Variants in RTN4RL1 observed in about 807,000 individuals in gnomAD.
RTN4RL1 encodes reticulon-4 receptor-like 1.
Under a neutral mutation model 25.6 loss-of-function variants are expected in RTN4RL1, and 7 were observed. The observed-to-expected ratio is 0.27, with a 90% confidence interval of 0.16 to 0.51. The LOEUF (loss-of-function observed/expected upper bound fraction) is 0.51. RTN4RL1 is among the 20% of genes least tolerant of loss of function. RTN4RL1 has a pLI of 0.97. For synonymous variants in RTN4RL1, 297 were observed against 288.2 expected (o/e 1.03, Z -0.31); for missense variants, 500 against 615.6 (o/e 0.81, Z 1.99).
chr17:2,002,004 A>ATTT (rs11457997), intron 1 of RTN4RL1, among the ~76,000 whole-genome samples: 18 of 145,826 alleles, frequency 1.2e-4, no homozygotes, highest in African/African-American at 4.5e-4. Context: ...TGCTTAAAGG[A>ATTT]TTTTTTTTTT....
At chr17:2,007,449 C>T (rs1029100679) in intron 1 of RTN4RL1, among the ~76,000 whole-genome samples, 3 of 152,002 alleles carry the variant, frequency 2.0e-5, no homozygotes, top group African/African-American at 4.8e-5. Context: ...CAATGGATGT[C>T]GCCGACCTCT....
intron 1 of RTN4RL1, among the ~76,000 whole-genome samples, chr17:2,016,196 C>G (rs1342168798): frequency 2.6e-5 from 4 of 152,174 alleles, no homozygotes; most frequent in Non-Finnish European, 5.9e-5. Context: ...GCCTGGCCAA[C>G]ATAGTGAAAC....
At chr17:1,963,552 C>G (rs1254318672) in intron 1 of RTN4RL1, among the ~76,000 whole-genome samples, 1 of 152,220 alleles carries the variant, frequency 6.6e-6, no homozygotes, top group African/African-American at 2.4e-5. Context: ...TGTCCACCCG[C>G]CTTTGCCACT....
Position 1,937,230 on chromosome 17 carries a change from T to A in RTN4RL1, c.592A>T (p.Asn198Tyr), listed in dbSNP as rs571713611. 1 of 1,612,298 alleles carries A rather than the reference T, an allele frequency of 6.2e-7. No homozygotes were observed. The highest frequency in any genetic ancestry group is 1.3e-5 in the African/African-American group (1 of 75,040). Reference sequence around the variant, plus strand: ...TCGTGCAGCAAAAGACGGTCCAGGTTCACCAGGCCCCGGAAGGTGCCCGGG... The same window carrying A: ...TCGTGCAGCAAAAGACGGTCCAGGTACACCAGGCCCCGGAAGGTGCCCGGG... Reference protein sequence around the residue: ...LGPGTFRGLVNLDRLLLHENQ... With the variant: ...LGPGTFRGLVYLDRLLLHENQ... The change falls in exon 2 of 2, where the codon AAC becomes TAC. Residue 198 changes from asparagine (N) to tyrosine (Y), a missense_variant. By Grantham distance (143) the Asn-to-Tyr change is moderately radical. This residue lies in a region of RTN4RL1 where 232 missense variants were observed against 341.1 expected (regional missense o/e 0.68). Transcript: ENST00000331238.
At chr17:1,973,585 C>T (rs1199496673) in intron 1 of RTN4RL1, among the ~76,000 whole-genome samples, 1 of 151,908 alleles carries the variant, frequency 6.6e-6, no homozygotes, top group Non-Finnish European at 1.5e-5. Context: ...GTCCTCCACC[C>T]AAACTAGGTC....
At chr17:1,958,241 G>A (rs1915828661) in intron 1 of RTN4RL1, among the ~76,000 whole-genome samples, 1 of 152,132 alleles carries the variant, frequency 6.6e-6, no homozygotes. Context: ...CCAAAATGGT[G>A]GAGTCAAGAT....
rs2067079166 is a variant in RTN4RL1, at chr17:2,013,600, C to A, written c.13+11253G>T. ...AACATAAATACCCCAGCTCCCTCAC[C>A]CTGGAACATAAATACCCCAGCTCCC... On this transcript the variant is annotated intron_variant, in intron 1 of 1. Coordinates refer to ENST00000331238, the MANE Select transcript of RTN4RL1 (RefSeq NM_178568.4). Among the ~76,000 whole-genome samples the A allele has an allele frequency of 2.0e-5, 3 of 148,918 alleles. No individual in the cohort carries two copies. In the South Asian group the frequency reaches 6.6e-4, roughly 33 times the overall value.
At chr17:1,968,728 G>A (rs2066804468) in intron 1 of RTN4RL1, among the ~76,000 whole-genome samples, 1 of 152,092 alleles carries the variant, frequency 6.6e-6, no homozygotes, top group Non-Finnish European at 1.5e-5. Context: ...CCTCTCCCTG[G>A]GATGCCCCTC....
chr17:1,941,667 G>A (rs551662861), intron 1 of RTN4RL1, among the ~76,000 whole-genome samples: 1 of 152,136 alleles, frequency 6.6e-6, no homozygotes, highest in Admixed American at 6.5e-5. Flanking sequence ...AGATGCAGGG[G>A]ACCCACCCCA....
intron 1 of RTN4RL1, among the ~76,000 whole-genome samples, chr17:1,948,687 C>T (rs899898306): frequency 2.2e-4 from 31 of 141,518 alleles, no homozygotes; most frequent in African/African-American, 5.8e-4. Context: ...GGGTTACCTC[C>T]GTGGCGACGA....
intron 1 of RTN4RL1, among the ~76,000 whole-genome samples, chr17:2,013,630 C>CCTTGGGGTTTGATAG (rs1297745026): frequency 1.5e-5 from 2 of 136,166 alleles, no homozygotes; most frequent in African/African-American, 5.6e-5. Flanking sequence ...GCTCCCTCAC[C>CCTTGGGGTTTGATAG]CTGGAACATA....
chr17:1,982,749 C>T (rs2066873101), intron 1 of RTN4RL1, among the ~76,000 whole-genome samples: 1 of 152,246 alleles, frequency 6.6e-6, no homozygotes, highest in Non-Finnish European at 1.5e-5. Context: ...TCCCCGACAG[C>T]TCCAGGTTGC....
At chr17:1,941,348 G>A (rs536438535) in intron 1 of RTN4RL1, among the ~76,000 whole-genome samples, 10 of 152,312 alleles carry the variant, frequency 6.6e-5, no homozygotes, top group East Asian at 1.9e-4. Flanking sequence ...TACGTGGCTC[G>A]TGGGTGTGCC....
chr17:1,995,985 G>A (rs1364731157), intron 1 of RTN4RL1, among the ~76,000 whole-genome samples: 3 of 152,222 alleles, frequency 2.0e-5, no homozygotes, highest in African/African-American at 7.2e-5. Context: ...GATAACACTG[G>A]TGTAGGTTCC....
In RTN4RL1 at chr17:1,999,094, TCACACA is replaced by T. The variant is rs59609042; in HGVS notation, c.13+25753_13+25758del. On this transcript the variant is annotated intron_variant, in intron 1 of 1. Coordinates refer to ENST00000331238, the MANE Select transcript of RTN4RL1 (RefSeq NM_178568.4). ...CAGTCTACACCAGACACATGCGCGA[TCACACA>T]CACACACACACACACACGCTGCACT... Among the ~76,000 whole-genome samples the T allele has an allele frequency of 1.9e-4, 28 of 147,372 alleles. 1 individual carries two copies. The East Asian group carries it at 2.9e-3, about 15-fold the overall frequency.
chr17:2,014,785 T>C (rs552220009), intron 1 of RTN4RL1, among the ~76,000 whole-genome samples: 1 of 151,382 alleles, frequency 6.6e-6, no homozygotes, highest in African/African-American at 2.4e-5. Flanking sequence ...TGAGCTGAGA[T>C]TGCGCCACTG....
chr17:2,005,374 C>T (rs749811234), intron 1 of RTN4RL1, among the ~76,000 whole-genome samples: 1 of 152,142 alleles, frequency 6.6e-6, no homozygotes, highest in South Asian at 2.1e-4. Flanking sequence ...TGTTATTAGG[C>T]CCATTTTACA....
At chr17:1,984,339 G>A (rs2151317338) in intron 1 of RTN4RL1, among the ~76,000 whole-genome samples, 1 of 152,322 alleles carries the variant, frequency 6.6e-6, no homozygotes, top group Admixed American at 6.5e-5. Flanking sequence ...CAGTGAGGAG[G>A]CTGAGTTCTA....
chr17:2,007,819 G>A (rs1000992330), intron 1 of RTN4RL1, among the ~76,000 whole-genome samples: 5 of 151,944 alleles, frequency 3.3e-5, no homozygotes, highest in Admixed American at 1.3e-4. Context: ...GGTGGCACGC[G>A]CCTGTAATCC....
Sources: gnomAD v4.1 joint callset for allele counts (sites outside exome capture counted in the v4.1 genomes callset) on GRCh38, gnomAD v4.1.1 for gene constraint, gnomAD v4.1.1 regional missense constraint, MANE v1.5 for transcripts, NCBI Gene and HGNC (gene_info 2026-07-23, HGNC 2026-07-21) for gene names.